Variants in OSTN observed in about 807,000 individuals in gnomAD.
OSTN encodes the protein osteocrin.
In OSTN, 9 loss-of-function variants were observed where a neutral mutation model predicts 12.0. The ratio of observed to expected loss-of-function variants is 0.75; its 90% CI spans 0.45 to 1.30. The LOEUF is 1.30. Ranked by LOEUF, OSTN falls within the 50% of genes most tolerant of loss-of-function variation. The probability of loss-of-function intolerance (pLI) is 0.00; values close to 1 mark genes in which losing one functional copy is unlikely to be tolerated. For missense variants in OSTN, 148 were observed against 152.3 expected (o/e 0.97, Z 0.15); for synonymous variants, 59 against 56.9 (o/e 1.04, Z -0.16).
At chr3:191,226,560 A>G (rs1245637285) in intron 3 of OSTN, among the ~76,000 whole-genome samples, 2 of 152,210 alleles carry the variant, frequency 1.3e-5, no homozygotes, top group East Asian at 1.9e-4. Flanking sequence ...AAAAAGTGCC[A>G]TCAGTGTTGA....
Position 191,263,031 on chromosome 3 carries a change from AT to A in OSTN, c.*180del, listed in dbSNP as rs1403150025. 1 of 567,196 alleles carries A rather than the reference AT, an allele frequency of 1.8e-6. No individual in the cohort carries two copies. Among genetic ancestry groups the A allele is most frequent in the African/African-American group, 1.9e-5 (1 of 53,254 alleles). 35.1% of individuals were successfully genotyped at this position (567,196 alleles called of 1,614,324 possible). A position where few individuals can be genotyped will look rare whatever the true frequency, so the allele number is the denominator to read the frequency against. On this transcript the variant is annotated 3_prime_UTR_variant, in exon 5 of 5. Transcript: ENST00000682035. ...ACAGCATTGTTACAGCTTCAATTAA[AT>A]TGTGTAAATCATTTTGATGCACGTA... is the stretch of plus-strand genomic sequence containing the variant.
intron 1 of OSTN, among the ~76,000 whole-genome samples, chr3:191,204,533 C>T (rs1714225382): frequency 6.6e-6 from 1 of 152,126 alleles, no homozygotes; most frequent in East Asian, 1.9e-4. Context: ...CTAAGTGACA[C>T]AGCCACACTC....
intron 1 of OSTN, among the ~76,000 whole-genome samples, chr3:191,205,588 C>T (rs920700115): frequency 6.7e-6 from 1 of 149,492 alleles, no homozygotes; most frequent in African/African-American, 2.5e-5. Flanking sequence ...AAATTAAGAT[C>T]ATGATTACTG....
At chr3:191,252,641 C>T (rs1192858399) in intron 4 of OSTN, among the ~76,000 whole-genome samples, 7 of 152,100 alleles carry the variant, frequency 4.6e-5, no homozygotes, top group African/African-American at 9.7e-5. Flanking sequence ...TTCACCTGTT[C>T]GACCGTTTTG....
chr3:191,230,956 A>C (rs894074485), intron 3 of OSTN, among the ~76,000 whole-genome samples: 3 of 152,214 alleles, frequency 2.0e-5, no homozygotes, highest in Admixed American at 2.0e-4. Flanking sequence ...AGGCATTTGC[A>C]CAGAAGCTCA....
chr3:191,210,290 G>A (rs189121965), intron 1 of OSTN, among the ~76,000 whole-genome samples: 35 of 152,320 alleles, frequency 2.3e-4, no homozygotes, highest in Admixed American at 1.2e-3. Context: ...CAATACTGGA[G>A]GCAACTCACG....
At chr3:191,224,239 T>C (rs1281917618) in intron 3 of OSTN, among the ~76,000 whole-genome samples, 2 of 151,770 alleles carry the variant, frequency 1.3e-5, no homozygotes, top group Non-Finnish European at 1.5e-5. Context: ...TAGCCAACCA[T>C]GGTGGTGCAT....
chr3:191,225,594 A>T (rs921177116), intron 3 of OSTN, among the ~76,000 whole-genome samples: 6 of 152,216 alleles, frequency 3.9e-5, no homozygotes, highest in Admixed American at 2.0e-4. Flanking sequence ...ATAATGGTGG[A>T]CTGGATAAAG....
intron 4 of OSTN, among the ~76,000 whole-genome samples, chr3:191,252,260 T>C (rs960748420): frequency 6.6e-6 from 1 of 152,128 alleles, no homozygotes; most frequent in African/African-American, 2.4e-5. Flanking sequence ...AGATATGGGG[T>C]TTCACCATGT....
intron 3 of OSTN, among the ~76,000 whole-genome samples, chr3:191,237,304 T>G (rs973262005): frequency 6.6e-6 from 1 of 152,204 alleles, no homozygotes; most frequent in South Asian, 2.1e-4. Flanking sequence ...ATGAATAGTT[T>G]TAGAATTACT....
In OSTN at chr3:191,262,943, A is replaced by G. The variant is rs1715845233; in HGVS notation, c.*90A>G. On this transcript the variant is annotated 3_prime_UTR_variant, in exon 5 of 5. Coordinates refer to ENST00000682035, the MANE Select transcript of OSTN (RefSeq NM_198184.2). ...AGTTATTCACACTTCTTAATGATTA[A>G]ACTTTTAAGGAACTGACCTTCTGCA... 1 of 699,342 alleles carries G rather than the reference A, an allele frequency of 1.4e-6. No homozygotes were observed. Among genetic ancestry groups the G allele is most frequent in the Non-Finnish European group, 2.6e-6 (1 of 382,652 alleles). 43.3% of individuals were successfully genotyped at this position (699,342 alleles called of 1,614,324 possible). A position where few individuals can be genotyped will look rare whatever the true frequency, so the allele number is the denominator to read the frequency against.
At position 191,263,996 on chromosome 3, in the gene OSTN, C is replaced by G. The variant is rs188177623; in HGVS notation, c.*1143C>G. ...CAGAGATTCATCATAAGTTACTTAGCAGAAGTTTATAAAGCATCGAAAAAC... is the reference window on the plus strand; with the variant it reads ...CAGAGATTCATCATAAGTTACTTAGGAGAAGTTTATAAAGCATCGAAAAAC... On this transcript the variant is annotated 3_prime_UTR_variant, in exon 5 of 5. Coordinates refer to ENST00000682035, the MANE Select transcript of OSTN (RefSeq NM_198184.2). The G allele has an allele frequency of 1.3e-5, 2 of 152,116 alleles. No homozygotes were observed. The highest frequency in any genetic ancestry group is 1.3e-4 in the Admixed American group (2 of 15,292). 9.4% of individuals were successfully genotyped at this position (152,116 alleles called of 1,614,324 possible).
At chr3:191,233,170 A>G (rs557573711) in intron 3 of OSTN, among the ~76,000 whole-genome samples, 18 of 152,348 alleles carry the variant, frequency 1.2e-4, no homozygotes, top group African/African-American at 4.1e-4. Context: ...GAAAACAAAA[A>G]TGAAAAGAAA....
At chr3:191,218,725 A>T in intron 2 of OSTN, 22 bp from the exon 3 acceptor site, 1 of 1,597,948 alleles carries the variant, frequency 6.3e-7, no homozygotes, top group Non-Finnish European at 8.6e-7. Flanking sequence ...AATTAACGGA[A>T]TCGCCTTTCT....
intron 3 of OSTN, among the ~76,000 whole-genome samples, chr3:191,249,131 C>T (rs573276738): frequency 6.6e-5 from 10 of 152,228 alleles, no homozygotes; most frequent in Admixed American, 1.3e-4. Flanking sequence ...ATTTTATAAG[C>T]CAGTTACCTT....
intron 3 of OSTN, among the ~76,000 whole-genome samples, chr3:191,235,749 G>C (rs955514257): frequency 6.6e-6 from 1 of 152,080 alleles, no homozygotes; most frequent in African/African-American, 2.4e-5. Flanking sequence ...TTGGGGCAAG[G>C]TCCCTTTTAT....
Position 191,234,903 on chromosome 3 carries a change from G to C in OSTN, c.318-15134G>C, listed in dbSNP as rs1715151950. Among the ~76,000 whole-genome samples, 9 of 152,200 alleles carry C rather than the reference G, an allele frequency of 5.9e-5. No individual in the cohort carries two copies. The South Asian group carries it at 1.9e-3, about 32-fold the overall frequency. Reference sequence around the variant, plus strand: ...CCAGAGGGCACAGGAACATTTATATGTTCCAAAAAGATCAGCCTCCTAGGA... The same window carrying C: ...CCAGAGGGCACAGGAACATTTATATCTTCCAAAAAGATCAGCCTCCTAGGA... On this transcript the variant is annotated intron_variant, in intron 3 of 4. Coordinates refer to ENST00000682035, the MANE Select transcript of OSTN (RefSeq NM_198184.2).
At chr3:191,248,629 A>T (rs1004105235) in intron 3 of OSTN, among the ~76,000 whole-genome samples, 4 of 152,200 alleles carry the variant, frequency 2.6e-5, no homozygotes, top group African/African-American at 9.6e-5. Context: ...TTTTCAAGCA[A>T]TGAAGTATAT....
intron 4 of OSTN, among the ~76,000 whole-genome samples, chr3:191,252,155 G>A (rs1276297947): frequency 6.6e-6 from 1 of 152,182 alleles, no homozygotes; most frequent in Non-Finnish European, 1.5e-5. Context: ...TGCCTCCCGG[G>A]TTCAAGCAAT....
Sources: allele counts gnomAD v4.1 joint callset (sites outside exome capture counted in the v4.1 genomes callset), GRCh38; gene constraint gnomAD v4.1.1; transcripts MANE v1.5; gene names NCBI Gene and HGNC (gene_info 2026-07-23, HGNC 2026-07-21).